Variants in ITGA9 observed in about 807,000 individuals in gnomAD.
The protein encoded by ITGA9 is integrin alpha-9.
Under a neutral mutation model 127.8 loss-of-function variants are expected in ITGA9, and 56 were observed. That is an observed-to-expected ratio of 0.44 (90% CI 0.35 to 0.55). ITGA9 has a LOEUF of 0.55. ITGA9 is among the 20% of genes least tolerant of loss of function. The probability of loss-of-function intolerance (pLI) is 0.00; values close to 1 mark genes in which losing one functional copy is unlikely to be tolerated. For synonymous variants in ITGA9, 508 were observed against 514.5 expected (o/e 0.99, Z 0.17); for missense variants, 1,196 against 1,347.1 (o/e 0.89, Z 1.76).
At chr3:37,453,940 C>T (rs933436245) in intron 1 of ITGA9, among the ~76,000 whole-genome samples, 2 of 152,172 alleles carry the variant, frequency 1.3e-5, no homozygotes, top group Admixed American at 6.5e-5. Context: ...GGTATAAGAC[C>T]GAGTGTGTCT....
At chr3:37,619,417 G>T (rs1700106711) in intron 15 of ITGA9, among the ~76,000 whole-genome samples, 1 of 152,164 alleles carries the variant, frequency 6.6e-6, no homozygotes, top group South Asian at 2.1e-4. Flanking sequence ...TCAGAAGTGA[G>T]GAAAACAGAA....
chr3:37,795,690 T>C (rs1349607772), intron 26 of ITGA9, among the ~76,000 whole-genome samples: 1 of 152,100 alleles, frequency 6.6e-6, no homozygotes, highest in African/African-American at 2.4e-5. Flanking sequence ...TGGCCAGAGC[T>C]CCTGCCTTCC....
chr3:37,666,043 G>C (rs932088695), intron 17 of ITGA9, among the ~76,000 whole-genome samples: 1 of 152,196 alleles, frequency 6.6e-6, no homozygotes, highest in Admixed American at 6.5e-5. Context: ...CTTGCTATGG[G>C]TATGCCAGAC....
chr3:37,452,570 G>A lies in ITGA9; in HGVS notation c.185+11G>A. 5 of 1,507,186 alleles carry A rather than the reference G, an allele frequency of 3.3e-6. No individual in the cohort carries two copies. The highest frequency in any genetic ancestry group is 1.5e-5 in the African/African-American group (1 of 68,812). The allele number at this position is 1,507,186 out of a possible 1,614,324, so 93.4% of individuals were successfully genotyped here. ...CGACAACACGCGCTGGTGAGTGCCC[G>A]CCCGACTCCGCGACCCTGGCCCGCG... On this transcript the variant is annotated intron_variant, in intron 1 of 27. Transcript: ENST00000264741. The surrounding 1 kb of genome is among the most constrained non-coding windows in gnomAD (Gnocchi z 7.3).
intron 9 of ITGA9, among the ~76,000 whole-genome samples, chr3:37,516,952 G>A (rs1698989402): frequency 6.6e-6 from 1 of 152,136 alleles, no homozygotes; most frequent in Non-Finnish European, 1.5e-5. Context: ...ATGAATAATA[G>A]GCACAGTGAC....
intron 27 of ITGA9, among the ~76,000 whole-genome samples, chr3:37,811,375 G>C (rs1697366461): frequency 6.6e-6 from 1 of 152,208 alleles, no homozygotes; most frequent in Non-Finnish European, 1.5e-5. Flanking sequence ...AAATTGCTCA[G>C]AGGTGCAGGA....
intron 15 of ITGA9, among the ~76,000 whole-genome samples, chr3:37,609,367 C>T (rs1226024542): frequency 6.6e-6 from 1 of 152,176 alleles, no homozygotes; most frequent in African/African-American, 2.4e-5. Context: ...CCCCATGACG[C>T]AAGACAGTAT....
At chr3:37,594,958 A>G (rs1699855007) in intron 15 of ITGA9, among the ~76,000 whole-genome samples, 1 of 152,142 alleles carries the variant, frequency 6.6e-6, no homozygotes, top group Non-Finnish European at 1.5e-5. Context: ...ACCCAGCTAA[A>G]TTTTTAAAAA....
In ITGA9 at chr3:37,629,316, A is replaced by C. The variant is rs376977632; in HGVS notation, c.1819A>C (p.Lys607Gln). 16 of 1,614,120 alleles carry C rather than the reference A, an allele frequency of 9.9e-6. No individual in the cohort carries two copies. The highest frequency in any genetic ancestry group is 1.4e-5 in the Non-Finnish European group (16 of 1,180,004). ...AGTTCTCCGCTGGAAAAAGGGACAA[A>C]AGATTGCCCAAAAGAATCAGGTCAG... ...TPVLRWKKGQ[K>Q]IAQKNQTVFE... Residue 607 changes from lysine (K) to glutamine (Q), a missense_variant, in exon 16 of 28, where the codon AAG becomes CAG. Transcript: ENST00000264741. The surrounding 1 kb of genome is among the most constrained non-coding windows in gnomAD (Gnocchi z 4.5).
In ITGA9 at chr3:37,677,568, T is replaced by G. The variant is rs190198703; in HGVS notation, c.1917-6297T>G. ...AATAAACACAATTTTATTTATAATC[T>G]TATAGCCAAGTATGTTTCATATACA... On this transcript the variant is annotated intron_variant, in intron 17 of 27. Transcript: ENST00000264741. Among the ~76,000 whole-genome samples the G allele has an allele frequency of 3.0e-3, 451 of 152,368 alleles. 2 individuals are homozygous for G. The highest frequency in any genetic ancestry group is 5.1e-3 in the Non-Finnish European group (346 of 68,044).
chr3:37,518,095 T>C (rs7645981), intron 10 of ITGA9, among the ~76,000 whole-genome samples: 57 of 139,072 alleles, frequency 4.1e-4, no homozygotes, highest in African/African-American at 1.4e-3. Context: ...AGTGTACGCG[T>C]GTGTGTGTGT....
At chr3:37,506,644 A>G (rs1372066004) in intron 7 of ITGA9, among the ~76,000 whole-genome samples, 1 of 152,192 alleles carries the variant, frequency 6.6e-6, no homozygotes, top group African/African-American at 2.4e-5. Flanking sequence ...CACCCCCTGG[A>G]TCTAGGGCTG....
At chr3:37,657,830 A>G (rs1039681614) in intron 17 of ITGA9, among the ~76,000 whole-genome samples, 5 of 152,148 alleles carry the variant, frequency 3.3e-5, no homozygotes, top group Non-Finnish European at 7.3e-5. Context: ...GTGGGCATTT[A>G]GTGCTATAAA....
chr3:37,647,628 C>T (rs1700391262), intron 16 of ITGA9, among the ~76,000 whole-genome samples: 1 of 152,082 alleles, frequency 6.6e-6, no homozygotes, highest in Non-Finnish European at 1.5e-5. Flanking sequence ...ATTCCCTACT[C>T]CCTACCCCCT....
intron 23 of ITGA9, among the ~76,000 whole-genome samples, chr3:37,759,478 C>T (rs932727526): frequency 6.6e-6 from 1 of 151,886 alleles, no homozygotes; most frequent in Non-Finnish European, 1.5e-5. Flanking sequence ...TAAAGTATGA[C>T]AGCAATGATT....
chr3:37,472,487 C>T (rs1698443451), intron 2 of ITGA9, among the ~76,000 whole-genome samples: 2 of 152,154 alleles, frequency 1.3e-5, no homozygotes, highest in African/African-American at 4.8e-5. Flanking sequence ...CAACCTCTGC[C>T]TCCCAGGTTC....
chr3:37,803,228 C>T (rs1308059269), intron 26 of ITGA9, among the ~76,000 whole-genome samples: 4 of 152,150 alleles, frequency 2.6e-5, no homozygotes, highest in African/African-American at 7.2e-5. Flanking sequence ...ATAGTGTGTC[C>T]TCTAAGTTTT....
chr3:37,664,549 T>A (rs910872476), intron 17 of ITGA9, among the ~76,000 whole-genome samples: 1 of 151,020 alleles, frequency 6.6e-6, no homozygotes, highest in African/African-American at 2.4e-5. Flanking sequence ...GCCTCCCGAG[T>A]AGCTGGTGTT....
intron 15 of ITGA9, among the ~76,000 whole-genome samples, chr3:37,596,849 G>A (rs1699875363): frequency 6.6e-6 from 1 of 152,148 alleles, no homozygotes; most frequent in Non-Finnish European, 1.5e-5. Context: ...GCTAAGGGAG[G>A]TCAGCGTGCA....
Sources: allele counts gnomAD v4.1 joint callset (sites outside exome capture counted in the v4.1 genomes callset), GRCh38; gene constraint gnomAD v4.1.1; non-coding constraint Gnocchi (gnomAD v3.1); transcripts MANE v1.5; gene names NCBI Gene and HGNC (gene_info 2026-07-23, HGNC 2026-07-21).